The following CDH4 variants were observed in gnomAD, a reference collection of about 807,000 sequenced individuals.
CDH4 encodes cadherin-4.
In CDH4, 33 loss-of-function variants were observed where a neutral mutation model predicts 86.0. That is an observed-to-expected ratio of 0.38 (90% confidence interval 0.29 to 0.51). The LOEUF is 0.51. Ranked by LOEUF, CDH4 falls within the 20% of genes least tolerant of loss-of-function variation. The pLI, the probability that CDH4 is intolerant of heterozygous loss-of-function variation, is 0.86. For missense variants in CDH4, 1,114 were observed against 1,307.4 expected, an observed-to-expected ratio of 0.85 and a Z score of 2.28; for synonymous variants, 555 against 549.4, an observed-to-expected ratio of 1.01 and a Z score of -0.14.
intron 2 of CDH4, among the ~76,000 whole-genome samples, chr20:61,523,723 C>T (rs2085890075): frequency 6.6e-6 from 1 of 152,230 alleles, no homozygotes; most frequent in East Asian, 1.9e-4. Context: ...GGAAGAGACA[C>T]CACCCGTCTG....
At chr20:61,521,187 A>G (rs1046808929) in intron 2 of CDH4, among the ~76,000 whole-genome samples, 7 of 152,220 alleles carry the variant, frequency 4.6e-5, no homozygotes, top group Non-Finnish European at 7.3e-5. Context: ...GGAGGGCTGC[A>G]TATTTCTGCA....
chr20:61,458,120 ATGG>A (rs570556793), intron 2 of CDH4, among the ~76,000 whole-genome samples: 153 of 144,666 alleles, frequency 1.1e-3, no homozygotes, highest in African/African-American at 3.7e-3. Context: ...GACAGTGCTG[ATGG>A]TGGTGGTGGT....
chr20:61,821,667 T>C (rs1379811665), intron 4 of CDH4, among the ~76,000 whole-genome samples: 1 of 152,254 alleles, frequency 6.6e-6, no homozygotes, highest in Non-Finnish European at 1.5e-5. Flanking sequence ...GTTTTGGGCT[T>C]ACACCTGTGC....
intron 4 of CDH4, among the ~76,000 whole-genome samples, chr20:61,816,751 C>A (rs1022172553): frequency 5.9e-5 from 9 of 152,128 alleles, no homozygotes; most frequent in Non-Finnish European, 1.0e-4. Flanking sequence ...CAATTCATCA[C>A]CTGCCACACC....
At chr20:61,431,185 A>C (rs1249562538) in intron 2 of CDH4, among the ~76,000 whole-genome samples, 1 of 152,160 alleles carries the variant, frequency 6.6e-6, no homozygotes, top group African/African-American at 2.4e-5. Context: ...TAACTTTAAA[A>C]CTTATCATAA....
At chr20:61,542,619 A>G (rs1175722832) in intron 2 of CDH4, among the ~76,000 whole-genome samples, 2 of 152,342 alleles carry the variant, frequency 1.3e-5, no homozygotes, top group South Asian at 2.1e-4. Context: ...TTAAGTTAGC[A>G]TAAGAAAACA....
intron 2 of CDH4, among the ~76,000 whole-genome samples, chr20:61,655,381 T>TAC (rs755140464): frequency 3.3e-5 from 5 of 151,952 alleles, no homozygotes; most frequent in East Asian, 1.9e-4. Flanking sequence ...CACACACACT[T>TAC]ACACACACAC....
At chr20:61,653,244 G>A (rs2087144251) in intron 2 of CDH4, among the ~76,000 whole-genome samples, 1 of 131,728 alleles carries the variant, frequency 7.6e-6, no homozygotes, top group Non-Finnish European at 1.7e-5. Flanking sequence ...AGAGAGCACA[G>A]GGTTGGGGGT....
chr20:61,625,844 T>C (rs1418335762), intron 2 of CDH4, among the ~76,000 whole-genome samples: 1 of 152,258 alleles, frequency 6.6e-6, no homozygotes, highest in Non-Finnish European at 1.5e-5. Flanking sequence ...TCAAGGAGAC[T>C]GTGACCTACC....
At chr20:61,849,415 A>C (rs1173233102) in intron 5 of CDH4, among the ~76,000 whole-genome samples, 1 of 152,180 alleles carries the variant, frequency 6.6e-6, no homozygotes, top group Non-Finnish European at 1.5e-5. Flanking sequence ...ACGCCCTATG[A>C]GTTCACCGTG....
chr20:61,568,126 A>G (rs2086314013), intron 2 of CDH4, among the ~76,000 whole-genome samples: 2 of 152,316 alleles, frequency 1.3e-5, no homozygotes, highest in Admixed American at 6.5e-5. Context: ...GGTCCCCTTT[A>G]AAACAGATGA....
chr20:61,412,610 A>T (rs1232923105), intron 2 of CDH4, among the ~76,000 whole-genome samples: 1 of 152,086 alleles, frequency 6.6e-6, no homozygotes, highest in Non-Finnish European at 1.5e-5. Context: ...ACATAGTTAG[A>T]TCCTAGGGTG....
In CDH4 at chr20:61,705,319, G is replaced by T. The variant is rs8116851; in HGVS notation, c.170-38244G>T. 7.2e-3 allele frequency among the ~76,000 whole-genome samples: 1,102 copies of T among 152,344 alleles called. 18 individuals are homozygous for T. The highest frequency in any genetic ancestry group is 0.026 in the African/African-American group (1,066 of 41,578). On this transcript the variant is annotated intron_variant, in intron 2 of 15. Transcript: ENST00000614565. ...CCCGGCCAGGCCCCTTCCACCTGGCGGGGGAGATGGTGTACAACAGCCGAT... is the reference window on the plus strand; with the variant it reads ...CCCGGCCAGGCCCCTTCCACCTGGCTGGGGAGATGGTGTACAACAGCCGAT...
In CDH4 at chr20:61,527,346, T is replaced by A. The variant is rs567584636; in HGVS notation, c.170-216217T>A. Among the ~76,000 whole-genome samples, 8 of 151,672 alleles carry A rather than the reference T, an allele frequency of 5.3e-5. No individual in the cohort carries two copies. In the South Asian group the frequency reaches 1.7e-3, roughly 32 times the overall value. On this transcript the variant is annotated intron_variant, in intron 2 of 15. Coordinates refer to ENST00000614565, the MANE Select transcript of CDH4 (RefSeq NM_001794.5). The stretch of plus-strand genomic sequence containing the variant: ...CTCACTGCCATCTCCACTTCCCGGG[T>A]TCAAGCAATTTTCCTGCCTCAGCCT...
chr20:61,634,718 C>T (rs765001182), intron 2 of CDH4, among the ~76,000 whole-genome samples: 42 of 152,198 alleles, frequency 2.8e-4, no homozygotes, highest in South Asian at 4.1e-4. Context: ...AGCTCTGCGG[C>T]GTTAGTGTAT....
chr20:61,358,803 G>T (rs576004837), intron 2 of CDH4, among the ~76,000 whole-genome samples: 3 of 152,066 alleles, frequency 2.0e-5, no homozygotes, highest in Admixed American at 6.6e-5. Flanking sequence ...GCTTTAATGC[G>T]GGGGGGAAGG....
intron 2 of CDH4, among the ~76,000 whole-genome samples, chr20:61,545,932 GA>G (rs2086077223): frequency 2.9e-5 from 2 of 68,358 alleles, no homozygotes; most frequent in African/African-American, 6.0e-5. Context: ...TGCATGTGTG[GA>G]GGGGGTATGT....
intron 11 of CDH4, among the ~76,000 whole-genome samples, chr20:61,924,987 C>T (rs1392653216): frequency 6.6e-6 from 1 of 152,198 alleles, no homozygotes; most frequent in East Asian, 1.9e-4. Flanking sequence ...CCGGGGGTGC[C>T]GCCCTCGTGT....
intron 2 of CDH4, among the ~76,000 whole-genome samples, chr20:61,267,933 G>C (rs964088207): frequency 1.3e-5 from 2 of 152,206 alleles, no homozygotes; most frequent in Non-Finnish European, 2.9e-5. Flanking sequence ...CTGAGGGTTC[G>C]CACACAGCTC....
Sources: gnomAD v4.1 joint callset for allele counts (sites outside exome capture counted in the v4.1 genomes callset) on GRCh38, gnomAD v4.1.1 for gene constraint, MANE v1.5 for transcripts, NCBI Gene and HGNC (gene_info 2026-07-23, HGNC 2026-07-21) for gene names.